The following FBN2 variants were observed in gnomAD, a reference collection of about 807,000 sequenced individuals.
FBN2 encodes fibrillin 2.
In FBN2, 105 loss-of-function variants were observed where a neutral mutation model predicts 355.6. That is an observed-to-expected ratio of 0.30 (90% CI 0.25 to 0.35). FBN2 has a LOEUF of 0.35. Ranked by LOEUF, FBN2 falls within the 10% of genes least tolerant of loss-of-function variation. FBN2 has a pLI of 1.00. For synonymous variants in FBN2, 1,350 were observed against 1,301.2 expected (o/e 1.04, Z -0.81); for missense variants, 3,280 against 3,758.7 (o/e 0.87, Z 3.33).
chr5:128,425,676 C>A (rs1753464236), intron 7 of FBN2, among the ~76,000 whole-genome samples: 1 of 151,962 alleles, frequency 6.6e-6, no homozygotes, highest in Non-Finnish European at 1.5e-5. Flanking sequence ...ATAAATGGCA[C>A]CAAATGAAAA....
chr5:128,263,325 T>C (rs1765024342), intron 63 of FBN2, 100 bp downstream of exon 63: 9 of 881,616 alleles, frequency 1.0e-5, no homozygotes, highest in Non-Finnish European at 1.7e-5. Flanking sequence ...TTTTGCGGTT[T>C]GGCTTTTAGA....
chr5:128,378,977 G>C, intron 11 of FBN2, 87 bp from the exon 12 acceptor site: 1 of 1,434,096 alleles, frequency 7.0e-7, no homozygotes, highest in Non-Finnish European at 9.8e-7. Context: ...TAAAGTTTGA[G>C]AGAAGGCCAG....
intron 36 of FBN2, among the ~76,000 whole-genome samples, chr5:128,316,546 T>C (rs1750207746): frequency 6.6e-6 from 1 of 152,186 alleles, no homozygotes; most frequent in African/African-American, 2.4e-5. Flanking sequence ...AAATTGATTA[T>C]ACACTGACAG....
chr5:128,260,199 T>G (rs777012589), intron 64 of FBN2, among the ~76,000 whole-genome samples: 1 of 152,186 alleles, frequency 6.6e-6, no homozygotes, highest in Non-Finnish European at 1.5e-5. Flanking sequence ...AATGATTTTT[T>G]TTTTTCTGGA....
At chr5:128,352,183 T>C (rs1006625614) in intron 20 of FBN2, among the ~76,000 whole-genome samples, 1 of 151,846 alleles carries the variant, frequency 6.6e-6, no homozygotes, top group Non-Finnish European at 1.5e-5. Context: ...GGCTAATATC[T>C]GATGTATTTT....
At chr5:128,481,190 A>C (rs1052356035) in intron 5 of FBN2, among the ~76,000 whole-genome samples, 192 of 152,218 alleles carry the variant, frequency 1.3e-3, no homozygotes, top group African/African-American at 4.4e-3. Flanking sequence ...GAAAAAAAAA[A>C]ATCCCTTTTT....
At chr5:128,301,553 C>T (rs760798108) in intron 46 of FBN2, 43 bp from the exon 47 acceptor site, 17 of 1,592,966 alleles carry the variant, frequency 1.1e-5, no homozygotes, top group Non-Finnish European at 1.4e-5. Context: ...GAGCTCTTAA[C>T]ATGTATATTG....
chr5:128,432,355 G>A (rs1248568868), intron 7 of FBN2, among the ~76,000 whole-genome samples: 1 of 152,116 alleles, frequency 6.6e-6, no homozygotes, highest in Non-Finnish European at 1.5e-5. Flanking sequence ...AAGTAAAATT[G>A]ACACCATTTG....
chr5:128,278,876 G>C (rs2126809768), intron 56 of FBN2, 35 bp from the exon 57 acceptor site: 2 of 1,537,984 alleles, frequency 1.3e-6, no homozygotes, highest in Non-Finnish European at 1.8e-6. Context: ...TAAGGATGCG[G>C]AACTGACATT....
chr5:128,449,195 G>A (rs1331167301), intron 6 of FBN2, among the ~76,000 whole-genome samples: 1 of 150,448 alleles, frequency 6.6e-6, no homozygotes, highest in East Asian at 2.0e-4. Flanking sequence ...ACACATAGAA[G>A]TAAAAAGCAT....
intron 11 of FBN2, among the ~76,000 whole-genome samples, chr5:128,391,276 A>G (rs1581258897): frequency 6.6e-6 from 1 of 152,156 alleles, no homozygotes; most frequent in Non-Finnish European, 1.5e-5. Flanking sequence ...ATAGATTTTC[A>G]TTCCTCAACA....
At chr5:128,468,258 A>G (rs1754767075) in intron 5 of FBN2, among the ~76,000 whole-genome samples, 1 of 152,184 alleles carries the variant, frequency 6.6e-6, no homozygotes, top group Non-Finnish European at 1.5e-5. Context: ...ATACAGTAGC[A>G]TGGATCAATA....
intron 7 of FBN2, among the ~76,000 whole-genome samples, chr5:128,413,458 A>G (rs1753120344): frequency 6.6e-6 from 1 of 152,162 alleles, no homozygotes; most frequent in Non-Finnish European, 1.5e-5. Flanking sequence ...AAAAAGAGAA[A>G]GACTGGGAAG....
At chr5:128,324,139 C>A in intron 34 of FBN2, among the ~76,000 whole-genome samples, 1 of 152,016 alleles carries the variant, frequency 6.6e-6, no homozygotes, top group East Asian at 1.9e-4. Flanking sequence ...GGTGATATCC[C>A]CCCCTTTATC....
Position 128,300,933 on chromosome 5 carries a change from G to C in FBN2, c.6050C>G (p.Thr2017Ser). 6.2e-7 allele frequency: 1 copy of C among 1,613,408 alleles called. No individual in the cohort carries two copies. Among genetic ancestry groups the C allele is most frequent in the African/African-American group, 1.3e-5 (1 of 75,038 alleles). Reference protein sequence around the residue: ...LTPDGKNCIDTNECVALPGSC... With the variant: ...LTPDGKNCIDSNECVALPGSC... ...GCCGGGAAGGGCGACACACTCATTA[G>C]TGTCTTTAGAGAAAAAGAAGAGAAA... The change falls in exon 48 of 65, where the codon ACT (threonine) becomes AGT (serine). Residue 2017 changes from threonine (T) to serine (S), a missense_variant. Thr to Ser is a moderately conservative substitution (Grantham distance 58). Around this residue, in one of 6 missense-constraint regions of FBN2, gnomAD observed 2,284 missense variants for 2,749.5 expected, o/e 0.83. Transcript: ENST00000262464.
intron 7 of FBN2, among the ~76,000 whole-genome samples, chr5:128,434,116 C>G (rs577165697): frequency 6.6e-6 from 1 of 151,794 alleles, no homozygotes. Context: ...TCTCAGAATC[C>G]TTCATATTAT....
At chr5:128,332,824 A>C in intron 32 of FBN2, 88 bp downstream of exon 32, 3 of 1,281,682 alleles carry the variant, frequency 2.3e-6, no homozygotes, top group Middle Eastern at 1.9e-4. Context: ...GAATTAATAA[A>C]AGTGAAGAGC....
intron 16 of FBN2, among the ~76,000 whole-genome samples, chr5:128,368,501 T>TATATATACATATATATACAC (rs1751843377): frequency 1.6e-5 from 2 of 125,184 alleles, no homozygotes; most frequent in Non-Finnish European, 3.4e-5. Flanking sequence ...TATATATACA[T>TATATATACATATATATACAC]ATATATATAA....
At position 128,267,611 on chromosome 5, in the gene FBN2, A is replaced by T. The variant is rs1481202050; in HGVS notation, c.7961-3955T>A. Among the ~76,000 whole-genome samples the T allele has an allele frequency of 2.6e-5, 4 of 152,076 alleles. 1 individual carries two copies. The highest frequency in any genetic ancestry group is 9.7e-5 in the African/African-American group (4 of 41,410). ...TTTTCATATGTTTGTTGGCCACATAAATGTTTTTTTTTGAGAAGTGTCTGT... is the reference window on the plus strand; with the variant it reads ...TTTTCATATGTTTGTTGGCCACATATATGTTTTTTTTTGAGAAGTGTCTGT... On this transcript the variant is annotated intron_variant, in intron 62 of 64. Transcript: ENST00000262464.
Sources: gnomAD v4.1 joint callset for allele counts (sites outside exome capture counted in the v4.1 genomes callset) on GRCh38, gnomAD v4.1.1 for gene constraint, gnomAD v4.1.1 regional missense constraint, MANE v1.5 for transcripts, NCBI Gene and HGNC (gene_info 2026-07-23, HGNC 2026-07-21) for gene names.